Variants in GULP1 observed in about 807,000 individuals in gnomAD.
GULP1 encodes GULP PTB domain containing engulfment adaptor 1.
A neutral mutation model predicts 40.9 loss-of-function variants in GULP1; 19 were observed. The observed-to-expected ratio is 0.46, with a 90% CI of 0.32 to 0.68. The LOEUF (loss-of-function observed/expected upper bound fraction) is 0.68. Ranked by LOEUF, GULP1 falls within the 30% of genes least tolerant of loss-of-function variation. GULP1 has a pLI of 0.03. For synonymous variants in GULP1, 119 were observed against 117.6 expected, an observed-to-expected ratio of 1.01 and a Z score of -0.08; for missense variants, 312 against 362.2, an observed-to-expected ratio of 0.86 and a Z score of 1.12.
intron 4 of GULP1, among the ~76,000 whole-genome samples, chr2:188,503,658 G>A (rs749648752): frequency 2.0e-5 from 3 of 151,796 alleles, no homozygotes; most frequent in Non-Finnish European, 2.9e-5. Context: ...GGCCCAGGGA[G>A]GCCAAAAGAT....
At chr2:188,404,409 C>G (rs1463973418) in intron 2 of GULP1, among the ~76,000 whole-genome samples, 1 of 152,150 alleles carries the variant, frequency 6.6e-6, no homozygotes, top group East Asian at 1.9e-4. Flanking sequence ...TTCCCCAACC[C>G]CAGCCCTCTT....
At chr2:188,438,314 C>T (rs1386071678) in intron 2 of GULP1, among the ~76,000 whole-genome samples, 3 of 151,656 alleles carry the variant, frequency 2.0e-5, no homozygotes, top group Non-Finnish European at 4.4e-5. Flanking sequence ...TCAAAGCTTG[C>T]CCTCATGAAG....
intron 4 of GULP1, among the ~76,000 whole-genome samples, chr2:188,485,701 C>A (rs1303090512): frequency 6.6e-6 from 1 of 151,944 alleles, no homozygotes; most frequent in Non-Finnish European, 1.5e-5. Flanking sequence ...AATTGCTTAA[C>A]CTTTCTATGT....
chr2:188,405,829 A>G (rs2053010545), intron 2 of GULP1, among the ~76,000 whole-genome samples: 1 of 152,230 alleles, frequency 6.6e-6, no homozygotes, highest in South Asian at 2.1e-4. Context: ...AAACAAAACT[A>G]GTCTGCAAAG....
chr2:188,327,976 A>G (rs899422003), intron 1 of GULP1, among the ~76,000 whole-genome samples: 2 of 152,118 alleles, frequency 1.3e-5, no homozygotes, highest in South Asian at 2.1e-4. Context: ...AAATGATCCT[A>G]CATGCCCAGA....
chr2:188,369,656 A>C (rs557169997), intron 1 of GULP1, among the ~76,000 whole-genome samples: 1 of 151,016 alleles, frequency 6.6e-6, no homozygotes, highest in East Asian at 1.9e-4. Context: ...ATGTTTCTCT[A>C]CCATTTTCTG....
chr2:188,477,920 A>G (rs1033652895), intron 3 of GULP1, among the ~76,000 whole-genome samples, 190 bp downstream of exon 3: 8 of 152,144 alleles, frequency 5.3e-5, no homozygotes, highest in Non-Finnish European at 8.8e-5. Flanking sequence ...TGAAAGATCA[A>G]AGTTGTTTAT....
intron 1 of GULP1, among the ~76,000 whole-genome samples, chr2:188,309,311 C>T (rs1334720524): frequency 6.6e-6 from 1 of 151,812 alleles, no homozygotes; most frequent in African/African-American, 2.4e-5. Flanking sequence ...ACAAAAAATA[C>T]GAAAAATAGC....
intron 1 of GULP1, among the ~76,000 whole-genome samples, chr2:188,299,453 A>G (rs72905582): frequency 0.16 from 23,920 of 152,216 alleles, 2,154 homozygotes; most frequent in South Asian, 0.26. Context: ...TTCTTATTCA[A>G]TGAGATTTTG....
intron 1 of GULP1, among the ~76,000 whole-genome samples, chr2:188,328,824 A>G (rs1475806104): frequency 6.6e-6 from 1 of 152,124 alleles, no homozygotes; most frequent in Non-Finnish European, 1.5e-5. Flanking sequence ...TACTTGGTTT[A>G]TTCATGATGA....
chr2:188,554,033 A>G (rs1694152353), intron 7 of GULP1, among the ~76,000 whole-genome samples: 1 of 151,576 alleles, frequency 6.6e-6, no homozygotes, highest in South Asian at 2.1e-4. Context: ...GTTTATTTAG[A>G]TATTCTCTCT....
In GULP1 at chr2:188,527,209, G is replaced by A. The variant is rs985695112; in HGVS notation, c.163-1888G>A. Among the ~76,000 whole-genome samples, 4 of 151,972 alleles carry A rather than the reference G, an allele frequency of 2.6e-5. No homozygotes were observed. In the South Asian group the frequency reaches 8.3e-4, roughly 31 times the overall value. ...GTTGTTTTGTTGTAGATGTTTCAGG[G>A]GGAAAAAATTTAAAAGGTTGCACAG... is the stretch of plus-strand genomic sequence containing the variant. On this transcript the variant is annotated intron_variant, in intron 5 of 11. Transcript: ENST00000409830.
chr2:188,388,595 G>C lies in GULP1; in HGVS notation c.-45+4706G>C, dbSNP rs186089907. Among the ~76,000 whole-genome samples the C allele has an allele frequency of 2.0e-5, 3 of 152,110 alleles. No homozygotes were observed. In the South Asian group the frequency reaches 6.2e-4, roughly 32 times the overall value. ...AAGAAGTTTAATTTAAAAGTGATAT[G>C]TGTGTTAGACTAATGAAGAGAGAGC... On this transcript the variant is annotated intron_variant, in intron 2 of 11. Coordinates refer to ENST00000409830, the MANE Select transcript of GULP1 (RefSeq NM_016315.4).
intron 6 of GULP1, among the ~76,000 whole-genome samples, chr2:188,534,461 C>G (rs1481785364): frequency 6.6e-6 from 1 of 151,798 alleles, no homozygotes; most frequent in Non-Finnish European, 1.5e-5. Context: ...CATAATGATG[C>G]AACAGTAGTT....
In GULP1 at chr2:188,567,048, C is replaced by G. The variant is rs182426460; in HGVS notation, c.400-2191C>G. Among the ~76,000 whole-genome samples, 46 of 152,112 alleles carry G rather than the reference C, an allele frequency of 3.0e-4. 1 individual carries two copies. In the East Asian group the frequency reaches 4.7e-3, roughly 15 times the overall value. ...GAAAAAAAAACTCAACATCACTGAT[C>G]ATCAGAGAAATGCAAATCAAAACCA... On this transcript the variant is annotated intron_variant, in intron 7 of 11. Transcript: ENST00000409830.
chr2:188,470,648 C>T (rs867117895), intron 2 of GULP1, among the ~76,000 whole-genome samples: 4 of 152,064 alleles, frequency 2.6e-5, no homozygotes, highest in Middle Eastern at 3.4e-3. Flanking sequence ...TTCCAATTTC[C>T]TTCTCAATTT....
At position 188,427,405 on chromosome 2, in the gene GULP1, G is replaced by C. The variant is rs182820008; in HGVS notation, c.-45+43516G>C. Among the ~76,000 whole-genome samples, 893 of 152,316 alleles carry C rather than the reference G, an allele frequency of 5.9e-3. 38 individuals carry two copies. Among genetic ancestry groups the C allele is most frequent in the Admixed American group, 0.054 (828 of 15,302 alleles). ...AGACAATGGGAAAAAAGCTTTGAAG[G>C]CATTTCGGAGACATTTGTGCAGCTC... On this transcript the variant is annotated intron_variant, in intron 2 of 11. Coordinates refer to ENST00000409830, the MANE Select transcript of GULP1 (RefSeq NM_016315.4).
At chr2:188,429,280 A>G (rs2056581780) in intron 2 of GULP1, among the ~76,000 whole-genome samples, 1 of 152,106 alleles carries the variant, frequency 6.6e-6, no homozygotes. Context: ...AGGCAGGTGG[A>G]TCACTTGAGA....
At chr2:188,466,329 G>A (rs1450536100) in intron 2 of GULP1, 1 of 151,556 alleles carries the variant, frequency 6.6e-6, no homozygotes, top group East Asian at 1.9e-4. Context: ...CCAGGCTGGA[G>A]TGCAGTGGTG....
Sources: allele counts gnomAD v4.1 joint callset (sites outside exome capture counted in the v4.1 genomes callset), GRCh38; gene constraint gnomAD v4.1.1; transcripts MANE v1.5; gene names NCBI Gene and HGNC (gene_info 2026-07-23, HGNC 2026-07-21).